Variants in AASDH observed in about 807,000 individuals in gnomAD.
AASDH encodes the protein beta-alanine-activating enzyme.
A neutral mutation model predicts 102.3 loss-of-function variants in AASDH; 81 were observed. The observed-to-expected ratio is 0.79, with a 90% confidence interval of 0.66 to 0.95. The LOEUF (loss-of-function observed/expected upper bound fraction) is 0.95. Among genes scored for constraint, AASDH ranks in the 40% least tolerant of loss-of-function variants. The pLI, the probability that AASDH is intolerant of heterozygous loss-of-function variation, is 0.00. For missense variants in AASDH, 1,203 were observed against 1,266.2 expected (o/e 0.95, Z 0.76); for synonymous variants, 398 against 454.0 (o/e 0.88, Z 1.57).
At chr4:56,370,189 C>G (rs1030042587) in intron 5 of AASDH, among the ~76,000 whole-genome samples, 5 of 151,132 alleles carry the variant, frequency 3.3e-5, no homozygotes, top group Middle Eastern at 3.5e-3. Context: ...ATGGTGAAAC[C>G]CTGTCTCTAC....
Position 56,354,689 on chromosome 4 carries a change from A to G in AASDH, c.1210+16T>C, listed in dbSNP as rs1234413367. ...TTCTTGAAAAAAAAATTCCCAATCA[A>G]CAAATATAAAACAACCTAAAAATAC... On this transcript the variant is annotated intron_variant, in intron 7 of 14. Coordinates refer to ENST00000205214, the MANE Select transcript of AASDH (RefSeq NM_181806.4). The G allele has an allele frequency of 1.3e-6, 2 of 1,567,034 alleles. No homozygotes were observed. The highest frequency in any genetic ancestry group is 2.8e-5 in the African/African-American group (2 of 72,724).
chr4:56,364,315 C>T (rs1367888573), intron 5 of AASDH, among the ~76,000 whole-genome samples: 1 of 152,126 alleles, frequency 6.6e-6, no homozygotes, highest in Non-Finnish European at 1.5e-5. Context: ...TCAAGGAGAA[C>T]TTCCCCAATC....
intron 4 of AASDH, among the ~76,000 whole-genome samples, chr4:56,373,401 C>G (rs1281618349): frequency 1.3e-5 from 2 of 152,130 alleles, no homozygotes; most frequent in Non-Finnish European, 2.9e-5. Context: ...CCTCAGCCTC[C>G]CAAAGTGCTG....
intron 12 of AASDH, among the ~76,000 whole-genome samples, chr4:56,344,708 A>C (rs935535756): frequency 4.6e-5 from 7 of 152,074 alleles, no homozygotes; most frequent in African/African-American, 1.4e-4. Flanking sequence ...TTTAATTCCA[A>C]AACTCTGAGT....
intron 3 of AASDH, chr4:56,382,195 C>A (rs932068594): frequency 3.3e-6 from 1 of 300,724 alleles, no homozygotes; most frequent in African/African-American, 2.3e-5. Context: ...GGGTGGAGAG[C>A]CCCTCTGGGG....
rs1165420773 is a variant in AASDH, at chr4:56,371,470, TGA to T, written c.840_841del (p.His280GlnfsTer2). 6.2e-7 allele frequency: 1 copy of T among 1,611,794 alleles called. No individual in the cohort carries two copies. ...ATGTACCTGCAAAACAGTCACTCTA[TGA>T]TGGGAAAAGAGAACGCTGGCTAATT... is the stretch of plus-strand genomic sequence containing the variant. On this transcript the variant is annotated frameshift_variant, in exon 5 of 15. Coordinates refer to ENST00000205214, the MANE Select transcript of AASDH (RefSeq NM_181806.4). LOFTEE classifies it high-confidence loss of function.
At chr4:56,363,589 G>A (rs1040914683) in intron 5 of AASDH, among the ~76,000 whole-genome samples, 13 of 152,322 alleles carry the variant, frequency 8.5e-5, no homozygotes, top group African/African-American at 2.9e-4. Context: ...TGCAGCCACC[G>A]CTGCTGATAC....
intron 5 of AASDH, among the ~76,000 whole-genome samples, chr4:56,359,112 G>GTT (rs35128813): frequency 6.0e-4 from 88 of 145,916 alleles, no homozygotes; most frequent in South Asian, 2.4e-3. Context: ...GTTGTTTTTG[G>GTT]TTTTTTTTTT....
In AASDH at chr4:56,349,711, T is replaced by C; in HGVS notation, c.2040A>G (p.Val680=). The change falls in exon 11 of 15, where the codon GTA becomes GTG. Residue 680 remains valine (V), a synonymous_variant. Coordinates refer to ENST00000205214, the MANE Select transcript of AASDH (RefSeq NM_181806.4). Reference sequence around the variant, plus strand: ...ACAAAATTTGACTCCCTCTGCTCAGTACAACAAAAGCATTAATCTCATTGT... The same window carrying C: ...ACAAAATTTGACTCCCTCTGCTCAGCACAACAAAAGCATTAATCTCATTGT... ...TCHNEINAFV[V]LSRGSQILSL... The C allele has an allele frequency of 6.2e-7, 1 of 1,614,202 alleles. No individual in the cohort carries two copies. Among genetic ancestry groups the C allele is most frequent in the Non-Finnish European group, 8.5e-7 (1 of 1,180,028 alleles).
chr4:56,341,618 G>A (rs1214081503), intron 14 of AASDH, among the ~76,000 whole-genome samples: 5 of 149,858 alleles, frequency 3.3e-5, no homozygotes, highest in Admixed American at 2.0e-4. Flanking sequence ...GGCCAGGATG[G>A]TCTCGATCTC....
At chr4:56,348,061 G>T (rs1245266407) in intron 11 of AASDH, among the ~76,000 whole-genome samples, 11 of 151,542 alleles carry the variant, frequency 7.3e-5, no homozygotes, top group Admixed American at 7.2e-4. Context: ...TGAGGCAGGA[G>T]AATCACTTGA....
chr4:56,369,711 A>T (rs148382467), intron 5 of AASDH, among the ~76,000 whole-genome samples: 1 of 152,130 alleles, frequency 6.6e-6, no homozygotes, highest in Non-Finnish European at 1.5e-5. Flanking sequence ...CAGATTGAGG[A>T]GTTTGAGACC....
chr4:56,345,718 C>A (rs938858285), intron 11 of AASDH, among the ~76,000 whole-genome samples: 2 of 152,134 alleles, frequency 1.3e-5, no homozygotes, highest in Non-Finnish European at 2.9e-5. Context: ...GTTATTGCAA[C>A]AATTCAGATA....
chr4:56,358,150 C>T (rs1577999760), intron 5 of AASDH, among the ~76,000 whole-genome samples: 1 of 151,588 alleles, frequency 6.6e-6, no homozygotes, highest in Non-Finnish European at 1.5e-5. Context: ...TATATATGTA[C>T]AAATATATAT....
chr4:56,383,286 TTTTA>T (rs1753184776), intron 2 of AASDH, among the ~76,000 whole-genome samples: 1 of 152,114 alleles, frequency 6.6e-6, no homozygotes, highest in African/African-American at 2.4e-5. Context: ...TTGTTGTTGT[TTTTA>T]TTTGTTTTAT....
At chr4:56,374,493 C>T (rs1752131483) in intron 4 of AASDH, among the ~76,000 whole-genome samples, 1 of 151,938 alleles carries the variant, frequency 6.6e-6, no homozygotes, top group African/African-American at 2.4e-5. Context: ...ACTTCTTCTT[C>T]AGAGTGGTTT....
In AASDH at chr4:56,338,761, A is replaced by G. The variant is rs1560556828; in HGVS notation, c.2938T>C (p.Phe980Leu). The G allele has an allele frequency of 2.5e-6, 4 of 1,614,056 alleles. No individual in the cohort carries two copies. In the East Asian group the frequency reaches 6.7e-5, roughly 27 times the overall value. ...GATGGTGAGGTACACGGGGATGAAAAGATTGGTCCACTGGTAGAGAACTGC... is the reference window on the plus strand; with the variant it reads ...GATGGTGAGGTACACGGGGATGAAAGGATTGGTCCACTGGTAGAGAACTGC... ...VWQFSTSGPIFSSPCTSPSEQ... is the reference protein window; with the variant it reads ...VWQFSTSGPILSSPCTSPSEQ... Residue 980 changes from phenylalanine to leucine, a missense_variant, in exon 15 of 15, where the codon TTT becomes CTT. Physicochemically the swap from Phe to Leu is conservative, Grantham distance 22. Transcript: ENST00000205214.
intron 1 of AASDH, among the ~76,000 whole-genome samples, chr4:56,385,634 G>C (rs1449509980): frequency 1.1e-4 from 16 of 152,266 alleles, no homozygotes; most frequent in Admixed American, 1.0e-3. Context: ...GTCTCGCTCT[G>C]TTCCCCAGGC....
In AASDH at chr4:56,343,441, G is replaced by A. The variant is rs1747942239; in HGVS notation, c.2775+121C>T. The A allele has an allele frequency of 6.6e-6, 4 of 607,382 alleles. No individual in the cohort carries two copies. The East Asian group carries it at 1.2e-4, about 19-fold the overall frequency. 37.6% of individuals were successfully genotyped at this position (607,382 alleles called of 1,614,324 possible). A position where few individuals can be genotyped will look rare whatever the true frequency, so the allele number is the denominator to read the frequency against. On this transcript the variant is annotated intron_variant, in intron 13 of 14. Transcript: ENST00000205214. ...TGTCAATCATTTTTAATGAATTCCA[G>A]TTTGGTGTATGTGGACTACTACAAT...
Sources: allele counts gnomAD v4.1 joint callset (sites outside exome capture counted in the v4.1 genomes callset), GRCh38; gene constraint gnomAD v4.1.1; transcripts MANE v1.5; gene names NCBI Gene and HGNC (gene_info 2026-07-23, HGNC 2026-07-21).